The following GNAL variants were observed in gnomAD, a reference collection of about 807,000 sequenced individuals.
GNAL encodes G protein subunit alpha L, also known as guanine nucleotide-binding protein G(olf) subunit alpha.
GNAL carries 18 observed loss-of-function variants against 55.1 expected under a neutral mutation model. The ratio of observed to expected loss-of-function variants is 0.33; its 90% CI spans 0.23 to 0.48. GNAL has a LOEUF of 0.48. GNAL is among the 20% of genes least tolerant of loss of function. The pLI is 0.99. For synonymous variants in GNAL, 253 were observed against 237.0 expected (o/e 1.07, Z -0.62); for missense variants, 412 against 614.1 (o/e 0.67, Z 3.48).
chr18:11,732,879 C>T (rs189991002), intron 1 of GNAL, among the ~76,000 whole-genome samples: 5 of 152,176 alleles, frequency 3.3e-5, no homozygotes, highest in Non-Finnish European at 5.9e-5. Context: ...GGGAAATTCA[C>T]GAAGAGGGAA....
Position 11,711,021 on chromosome 18 carries a change from G to A in GNAL, c.376+21082G>A, listed in dbSNP as rs188819413. On this transcript the variant is annotated intron_variant, in intron 1 of 11. Transcript: ENST00000334049. ...CTCCCGAGTAGCTGTGTCTACAGGC[G>A]CCTGCCACCGCGCCCGGCTAATTTT... is the stretch of plus-strand genomic sequence containing the variant. Among the ~76,000 whole-genome samples, 731 of 152,108 alleles carry A rather than the reference G, an allele frequency of 4.8e-3. 6 individuals are homozygous for A. The highest frequency in any genetic ancestry group is 0.017 in the African/African-American group (697 of 41,490).
At chr18:11,838,794 A>C (rs1013659401) in intron 5 of GNAL, among the ~76,000 whole-genome samples, 3 of 152,204 alleles carry the variant, frequency 2.0e-5, no homozygotes, top group African/African-American at 7.2e-5. Flanking sequence ...AGTTTAAGAG[A>C]GAAAGGCGGA....
Position 11,706,354 on chromosome 18 carries a change from T to C in GNAL, c.376+16415T>C, listed in dbSNP as rs544877221. Among the ~76,000 whole-genome samples, 93 of 152,270 alleles carry C rather than the reference T, an allele frequency of 6.1e-4. 1 individual carries two copies. The highest frequency in any genetic ancestry group is 2.2e-3 in the African/African-American group (91 of 41,558). ...AAAAGCACACCTTAATTTAAAAATA[T>C]TGATAAAAAGTGCTAACGATCATCT... On this transcript the variant is annotated intron_variant, in intron 1 of 11. Transcript: ENST00000334049.
rs777245365 is a variant in GNAL at position 11,885,589 on chromosome 18, G to T, written c.*4454G>T. On this transcript the variant is annotated 3_prime_UTR_variant, in exon 12 of 12. Transcript: ENST00000334049. ...TTTGTGTGTGGCTTTTGTAAATTTT[G>T]ACCGATTGCAGCAATTAAATAGTTG... 1.2e-5 allele frequency: 18 copies of T among 1,479,134 alleles called. No homozygotes were observed. Among genetic ancestry groups the T allele is most frequent in the South Asian group, 2.5e-5 (2 of 79,364 alleles). The allele number at this position is 1,479,134 out of a possible 1,614,324, so 91.6% of individuals were successfully genotyped here. A position where few individuals can be genotyped will look rare whatever the true frequency, so the allele number is the denominator to read the frequency against.
intron 1 of GNAL, among the ~76,000 whole-genome samples, chr18:11,732,384 T>C (rs939912654): frequency 2.0e-5 from 3 of 152,240 alleles, no homozygotes; most frequent in Non-Finnish European, 2.9e-5. Flanking sequence ...TGTGAGATGT[T>C]ATTCACTGTG....
At chr18:11,806,284 C>G (rs1485879771) in intron 4 of GNAL, among the ~76,000 whole-genome samples, 2 of 152,210 alleles carry the variant, frequency 1.3e-5, no homozygotes, top group Non-Finnish European at 2.9e-5. Flanking sequence ...TTCACTCATT[C>G]TGCAGGTTGT....
intron 1 of GNAL, among the ~76,000 whole-genome samples, chr18:11,737,222 T>A (rs1598420305): frequency 1.3e-5 from 2 of 152,218 alleles, no homozygotes; most frequent in South Asian, 4.1e-4. Flanking sequence ...TACATTTTGT[T>A]AAATATTCAT....
intron 4 of GNAL, among the ~76,000 whole-genome samples, chr18:11,822,820 C>CTTT (rs56128456): frequency 7.2e-6 from 1 of 139,708 alleles, no homozygotes; most frequent in African/African-American, 2.8e-5. Context: ...TTTTTTTTTT[C>CTTT]TTTTTTTTTT....
intron 4 of GNAL, among the ~76,000 whole-genome samples, chr18:11,775,455 C>G (rs1025530959): frequency 1.3e-5 from 2 of 152,268 alleles, no homozygotes; most frequent in African/African-American, 4.8e-5. Flanking sequence ...CCATGGCGGT[C>G]CCCTGACGGG....
chr18:11,715,513 C>T (rs1479974827), intron 1 of GNAL, among the ~76,000 whole-genome samples: 2 of 150,028 alleles, frequency 1.3e-5, no homozygotes, highest in East Asian at 2.0e-4. Flanking sequence ...GATTGCTAAG[C>T]GGGTTGCAAG....
rs2032576051 is a variant in GNAL at position 11,741,559 on chromosome 18, G to A, written c.377-11294G>A. Reference sequence around the variant, plus strand: ...TAGACTATTAAATTAATGAGATCAGGGACAATGTCTTATTTATCCTTATAA... The same window carrying A: ...TAGACTATTAAATTAATGAGATCAGAGACAATGTCTTATTTATCCTTATAA... On this transcript the variant is annotated intron_variant, in intron 1 of 11. Coordinates refer to ENST00000334049, the MANE Select transcript of GNAL (RefSeq NM_182978.4). Among the ~76,000 whole-genome samples, 3 of 152,076 alleles carry A rather than the reference G, an allele frequency of 2.0e-5. No homozygotes were observed. The South Asian group carries it at 6.2e-4, about 32-fold the overall frequency.
chr18:11,803,653 T>C (rs12958122), intron 4 of GNAL, among the ~76,000 whole-genome samples: 91,648 of 97,680 alleles, frequency 0.94, 42,817 homozygotes, highest in Admixed American at 0.95. Context: ...TACTGTGTAG[T>C]GGTGAAGTAC....
At chr18:11,753,212 G>T (rs975585835) in intron 2 of GNAL, among the ~76,000 whole-genome samples, 1 of 128,424 alleles carries the variant, frequency 7.8e-6, no homozygotes, top group Non-Finnish European at 1.6e-5. Context: ...CCAATATCTC[G>T]ATATATTTTT....
At chr18:11,756,305 A>G (rs577580758) in intron 4 of GNAL, among the ~76,000 whole-genome samples, 6 of 152,344 alleles carry the variant, frequency 3.9e-5, no homozygotes, top group Admixed American at 1.3e-4. Context: ...GTATTTTCAG[A>G]TAGATAAATT....
chr18:11,761,955 G>A (rs2113739), intron 4 of GNAL, among the ~76,000 whole-genome samples: 53,569 of 152,116 alleles, frequency 0.35, 10,258 homozygotes, highest in African/African-American at 0.51. Flanking sequence ...AGCAGTGAAC[G>A]CCTGTGTCTT....
intron 1 of GNAL, among the ~76,000 whole-genome samples, chr18:11,733,471 C>G (rs1021405154): frequency 6.6e-6 from 1 of 152,188 alleles, no homozygotes; most frequent in Non-Finnish European, 1.5e-5. Context: ...GTCCCAGCCT[C>G]TCACTGGTGT....
intron 5 of GNAL, among the ~76,000 whole-genome samples, chr18:11,829,078 T>C (rs1461729837): frequency 6.6e-6 from 1 of 152,236 alleles, no homozygotes; most frequent in Non-Finnish European, 1.5e-5. Context: ...GATTTATTCC[T>C]TCAAATTACA....
chr18:11,795,846 T>A (rs2034364015), intron 4 of GNAL, among the ~76,000 whole-genome samples: 1 of 152,168 alleles, frequency 6.6e-6, no homozygotes, highest in Admixed American at 6.5e-5. Flanking sequence ...CTCATCAGAC[T>A]CCACTAAGAA....
At position 11,878,731 on chromosome 18, in the gene GNAL, G is replaced by A. The variant is rs548902156; in HGVS notation, c.1230+2043G>A. Reference sequence around the variant, plus strand: ...ACTACAGGCACACACCACCGCACCCGGCTAATTTTTAAATTTTATAGAGAT... The same window carrying A: ...ACTACAGGCACACACCACCGCACCCAGCTAATTTTTAAATTTTATAGAGAT... On this transcript the variant is annotated intron_variant, in intron 11 of 11. Coordinates refer to ENST00000334049, the MANE Select transcript of GNAL (RefSeq NM_182978.4). Among the ~76,000 whole-genome samples the A allele has an allele frequency of 2.0e-4, 31 of 151,918 alleles. No homozygotes were observed. In the South Asian group the frequency reaches 5.8e-3, roughly 29 times the overall value.
Sources: gnomAD v4.1 joint callset for allele counts (sites outside exome capture counted in the v4.1 genomes callset) on GRCh38, gnomAD v4.1.1 for gene constraint, MANE v1.5 for transcripts, NCBI Gene and HGNC (gene_info 2026-07-23, HGNC 2026-07-21) for gene names.